ESF1: variants seen among roughly 807,000 people sequenced by gnomAD.
ESF1 encodes ESF1 nucleolar pre-rRNA processing protein.
A neutral mutation model predicts 92.0 loss-of-function variants in ESF1; 58 were observed. The observed-to-expected ratio is 0.63, with a 90% CI of 0.51 to 0.78. The LOEUF is 0.78. ESF1 is among the 30% of genes least tolerant of loss of function. The pLI is 0.00. For missense variants in ESF1, 922 were observed against 989.1 expected (o/e 0.93, Z 0.91); for synonymous variants, 321 against 313.7 (o/e 1.02, Z -0.24).
At position 13,775,249 on chromosome 20, in the gene ESF1, A is replaced by C; in HGVS notation, c.1057T>G (p.Cys353Gly). 3 of 1,608,266 alleles carry C rather than the reference A, an allele frequency of 1.9e-6. No individual in the cohort carries two copies. Among genetic ancestry groups the C allele is most frequent in the Non-Finnish European group, 2.5e-6 (3 of 1,177,582 alleles). ...ADEITRRLAV[C>G]NMDWDRLKAK... Reference sequence around the variant, plus strand: ...TTTAATCTATCCCAGTCCATGTTACAAACTGCTAATCGACGTGTAATCTGA... The same window carrying C: ...TTTAATCTATCCCAGTCCATGTTACCAACTGCTAATCGACGTGTAATCTGA... Residue 353 changes from cysteine to glycine, a missense_variant, in exon 4 of 14, where the codon TGT becomes GGT. By Grantham distance (159) the Cys-to-Gly change is radical. Transcript: ENST00000617257.
At chr20:13,729,478 TTGAAGGAGAAGATC>T (rs2049927238) in intron 10 of ESF1, among the ~76,000 whole-genome samples, 1 of 152,234 alleles carries the variant, frequency 6.6e-6, no homozygotes, top group African/African-American at 2.4e-5. Flanking sequence ...ATGCAGACAT[TTGAAGGAGAAGATC>T]TGAAGGAGAA....
chr20:13,759,110 C>T (rs7262980), intron 9 of ESF1, among the ~76,000 whole-genome samples: 2,478 of 152,272 alleles, frequency 0.016, 73 homozygotes, highest in African/African-American at 0.055. Flanking sequence ...GGGTAACAAA[C>T]TGCAGAAAGT....
At chr20:13,729,126 G>A (rs1489668955) in intron 10 of ESF1, among the ~76,000 whole-genome samples, 3 of 152,088 alleles carry the variant, frequency 2.0e-5, no homozygotes, top group Non-Finnish European at 2.9e-5. Context: ...AGGCATGGTG[G>A]TGGGCACCTC....
intron 6 of ESF1, 111 bp downstream of exon 6, chr20:13,771,219 CA>C: frequency 9.2e-6 from 10 of 1,081,426 alleles, no homozygotes; most frequent in Non-Finnish European, 1.4e-5. Flanking sequence ...AACCGAAAAG[CA>C]AAAAAATCAT....
chr20:13,719,273 G>A (rs1054389824), intron 11 of ESF1, among the ~76,000 whole-genome samples: 21 of 152,026 alleles, frequency 1.4e-4, no homozygotes, highest in African/African-American at 4.8e-4. Context: ...CATTTCCACA[G>A]ATACAGAATA....
At position 13,783,310 on chromosome 20, in the gene ESF1, C is replaced by A. The variant is rs569988297; in HGVS notation, c.-43-127G>T. 1.7e-5 allele frequency: 13 copies of A among 775,354 alleles called. No homozygotes were observed. The Admixed American group carries it at 3.5e-4, about 21-fold the overall frequency. 48.0% of individuals were successfully genotyped at this position (775,354 alleles called of 1,614,324 possible). On this transcript the variant is annotated intron_variant, in intron 1 of 13. Coordinates refer to ENST00000617257, the MANE Select transcript of ESF1 (RefSeq NM_001276380.2). Reference sequence around the variant, plus strand: ...TTAAGTGTACATAAAATAGAGGTAACAAGTCTAATTTCATCTCTCCAACGT... The same window carrying A: ...TTAAGTGTACATAAAATAGAGGTAAAAAGTCTAATTTCATCTCTCCAACGT...
At chr20:13,733,896 C>T (rs554020320) in intron 9 of ESF1, 54 bp from the exon 10 acceptor site, 9 of 1,532,542 alleles carry the variant, frequency 5.9e-6, no homozygotes, top group Non-Finnish European at 7.9e-6. Flanking sequence ...CTGGCAATCA[C>T]TTAAACATAT....
chr20:13,771,170 G>C (rs967806099), intron 6 of ESF1, among the ~76,000 whole-genome samples, 161 bp downstream of exon 6: 1 of 152,180 alleles, frequency 6.6e-6, no homozygotes, highest in African/African-American at 2.4e-5. Flanking sequence ...TGTCTTGTTT[G>C]TTTTCTTTCT....
intron 7 of ESF1, among the ~76,000 whole-genome samples, chr20:13,767,414 G>A (rs558084523): frequency 3.4e-4 from 51 of 152,020 alleles, no homozygotes; most frequent in Non-Finnish European, 3.1e-4. Context: ...CCAGCTACTT[G>A]GGAGGCTGAG....
At chr20:13,767,039 A>C in intron 7 of ESF1, 115 bp from the exon 8 acceptor site, 1 of 932,942 alleles carries the variant, frequency 1.1e-6, no homozygotes. Context: ...AAGTTAAGAC[A>C]CATTAAAACA....
intron 2 of ESF1, among the ~76,000 whole-genome samples, chr20:13,778,447 A>T (rs141182094): frequency 8.0e-6 from 1 of 125,068 alleles, no homozygotes; most frequent in African/African-American, 3.0e-5. Context: ...TACCATTTTC[A>T]TGATTTTTGA....
chr20:13,721,653 T>A (rs916344129), intron 11 of ESF1, among the ~76,000 whole-genome samples: 1 of 152,174 alleles, frequency 6.6e-6, no homozygotes, highest in African/African-American at 2.4e-5. Context: ...AACTCCTCTG[T>A]GTGTATTAAG....
At chr20:13,749,288 G>A (rs902691678) in intron 9 of ESF1, among the ~76,000 whole-genome samples, 1 of 105,682 alleles carries the variant, frequency 9.5e-6, no homozygotes, top group Non-Finnish European at 1.9e-5. Context: ...GTTTCACCAT[G>A]TTGTGATCCA....
chr20:13,735,695 T>C (rs2049971389), intron 9 of ESF1, among the ~76,000 whole-genome samples: 1 of 152,168 alleles, frequency 6.6e-6, no homozygotes, highest in African/African-American at 2.4e-5. Context: ...TAATACTCTT[T>C]GAAGTATTCT....
intron 9 of ESF1, among the ~76,000 whole-genome samples, chr20:13,743,810 T>C (rs929744643): frequency 3.9e-5 from 6 of 152,210 alleles, no homozygotes; most frequent in African/African-American, 1.2e-4. Context: ...GAATGGGTGG[T>C]GATGGATGTG....
At chr20:13,748,549 T>C (rs1273393826) in intron 9 of ESF1, among the ~76,000 whole-genome samples, 2 of 40,688 alleles carry the variant, frequency 4.9e-5, no homozygotes, top group African/African-American at 2.2e-4. Flanking sequence ...TATGTGTGTG[T>C]ATATATATAT....
chr20:13,768,514 A>G (rs1979529824), intron 7 of ESF1, among the ~76,000 whole-genome samples: 1 of 151,970 alleles, frequency 6.6e-6, no homozygotes, highest in Non-Finnish European at 1.5e-5. Flanking sequence ...CCTGGGAGGC[A>G]GAGGTTGCAG....
intron 1 of ESF1, among the ~76,000 whole-genome samples, chr20:13,783,391 C>G (rs150699314): frequency 4.6e-4 from 70 of 152,262 alleles, no homozygotes; most frequent in African/African-American, 1.6e-3. Flanking sequence ...CTTTCCATGA[C>G]AGATCATTTA....
intron 7 of ESF1, among the ~76,000 whole-genome samples, chr20:13,767,752 A>G (rs868328521): frequency 6.6e-6 from 1 of 152,166 alleles, no homozygotes; most frequent in Non-Finnish European, 1.5e-5. Context: ...CATCTATGAC[A>G]TGACTGATGT....
Sources: gnomAD v4.1 joint callset for allele counts (sites outside exome capture counted in the v4.1 genomes callset) on GRCh38, gnomAD v4.1.1 for gene constraint, MANE v1.5 for transcripts, NCBI Gene and HGNC (gene_info 2026-07-23, HGNC 2026-07-21) for gene names.